The following RALYL variants were observed in gnomAD, a reference collection of about 807,000 sequenced individuals.
RALYL encodes the protein RNA-binding Raly-like protein.
RALYL carries 29 observed loss-of-function variants against 35.1 expected under a neutral mutation model. That is an observed-to-expected ratio of 0.83 (90% confidence interval 0.61 to 1.13). The LOEUF (loss-of-function observed/expected upper bound fraction) is 1.13, where lower values mean the gene tolerates loss of function less well. RALYL is among the 50% of genes most tolerant of loss of function. The probability of loss-of-function intolerance (pLI) is 0.00; values close to 1 mark genes in which losing one functional copy is unlikely to be tolerated. For synonymous variants in RALYL, 120 were observed against 127.6 expected, an observed-to-expected ratio of 0.94 and a Z score of 0.40; for missense variants, 359 against 360.4, an observed-to-expected ratio of 1.00 and a Z score of 0.03.
intron 2 of RALYL, among the ~76,000 whole-genome samples, chr8:84,681,440 C>T (rs1281040919): frequency 6.8e-6 from 1 of 146,606 alleles, no homozygotes; most frequent in Non-Finnish European, 1.5e-5. Context: ...TTACCTTGGG[C>T]AGTACAGCCA....
chr8:84,611,312 AAATGTTTATATAC>A (rs1327370374), intron 2 of RALYL, among the ~76,000 whole-genome samples: 1 of 152,128 alleles, frequency 6.6e-6, no homozygotes, highest in Non-Finnish European at 1.5e-5. Context: ...TACAGCAAAT[AAATGTTTATATAC>A]ACATTTTTCC....
chr8:84,649,593 A>T (rs970532561), intron 2 of RALYL, among the ~76,000 whole-genome samples: 10 of 151,814 alleles, frequency 6.6e-5, no homozygotes, highest in African/African-American at 2.2e-4. Context: ...ATAGTTGTAG[A>T]TATGCGGCGT....
At chr8:84,191,002 A>G (rs918544016) in intron 1 of RALYL, among the ~76,000 whole-genome samples, 4 of 151,864 alleles carry the variant, frequency 2.6e-5, no homozygotes, top group African/African-American at 9.7e-5. Flanking sequence ...CAACAGAGCT[A>G]ATGCTGCATA....
intron 8 of RALYL, among the ~76,000 whole-genome samples, chr8:84,913,018 GGATGGATGGATGGATA>G (rs1378952563): frequency 1.6e-5 from 2 of 124,912 alleles, no homozygotes; most frequent in African/African-American, 6.2e-5. Context: ...ATGGATGGAT[GGATGGATGGATGGATA>G]GGTAGGTAGA....
At chr8:84,209,581 G>A (rs181122137) in intron 1 of RALYL, among the ~76,000 whole-genome samples, 171 of 152,154 alleles carry the variant, frequency 1.1e-3, no homozygotes, top group African/African-American at 3.8e-3. Flanking sequence ...TGGCCCTTAT[G>A]CCAAATTTAG....
At chr8:84,317,258 G>A (rs1168988476) in intron 1 of RALYL, among the ~76,000 whole-genome samples, 1 of 151,960 alleles carries the variant, frequency 6.6e-6, no homozygotes, top group Non-Finnish European at 1.5e-5. Context: ...GAATGAAACA[G>A]TGTCTGACCT....
rs114147079 is a variant in RALYL at position 84,212,650 on chromosome 8, T to C, written c.-24+28226T>C. Among the ~76,000 whole-genome samples, 123 of 152,250 alleles carry C rather than the reference T, an allele frequency of 8.1e-4. 1 individual carries two copies. Among genetic ancestry groups the C allele is most frequent in the African/African-American group, 2.9e-3 (120 of 41,558 alleles). On this transcript the variant is annotated intron_variant, in intron 1 of 8. Coordinates refer to ENST00000521268, the MANE Select transcript of RALYL (RefSeq NM_173848.7). ...AGCTGTAGGTGAAGTACAGGCAGTA[T>C]AAGTGAGGTAAAGCAAATGTGAGCA...
chr8:84,480,085 G>T (rs545859667), intron 1 of RALYL, among the ~76,000 whole-genome samples: 116 of 152,152 alleles, frequency 7.6e-4, no homozygotes, highest in Non-Finnish European at 1.5e-3. Flanking sequence ...GAGTAGACCA[G>T]TGAGTTCCAA....
intron 3 of RALYL, among the ~76,000 whole-genome samples, chr8:84,801,964 T>C (rs1390926223): frequency 1.3e-5 from 2 of 152,324 alleles, no homozygotes; most frequent in East Asian, 3.9e-4. Flanking sequence ...TAACTTGATA[T>C]GTATTAAAAG....
At chr8:84,857,107 G>C (rs1178112775) in intron 5 of RALYL, among the ~76,000 whole-genome samples, 2 of 149,232 alleles carry the variant, frequency 1.3e-5, no homozygotes, top group Non-Finnish European at 3.0e-5. Flanking sequence ...GAAATGAATA[G>C]GCACCTTACT....
chr8:84,347,808 G>A (rs983138987), intron 1 of RALYL, among the ~76,000 whole-genome samples: 6 of 152,048 alleles, frequency 3.9e-5, no homozygotes, highest in African/African-American at 1.4e-4. Context: ...TTGCCTCTTA[G>A]GCTCTATTAA....
intron 1 of RALYL, among the ~76,000 whole-genome samples, chr8:84,340,034 A>G (rs1266202591): frequency 6.6e-6 from 1 of 151,990 alleles, no homozygotes; most frequent in African/African-American, 2.4e-5. Flanking sequence ...ATGAGATCTG[A>G]TGGTTTTATA....
intron 6 of RALYL, among the ~76,000 whole-genome samples, chr8:84,868,615 T>C (rs1839614561): frequency 6.6e-6 from 1 of 152,372 alleles, no homozygotes; most frequent in East Asian, 1.9e-4. Context: ...ACTTGCAGCT[T>C]CTAATGAAAT....
At chr8:84,772,790 T>C (rs562714297) in intron 2 of RALYL, among the ~76,000 whole-genome samples, 3 of 152,218 alleles carry the variant, frequency 2.0e-5, no homozygotes, top group African/African-American at 7.2e-5. Context: ...TTATTTCTTC[T>C]CTCTCATTTC....
At chr8:84,411,173 C>T (rs527581568) in intron 1 of RALYL, among the ~76,000 whole-genome samples, 2 of 151,752 alleles carry the variant, frequency 1.3e-5, no homozygotes, top group South Asian at 4.2e-4. Flanking sequence ...TTTATTTTTT[C>T]CCATGGTATT....
chr8:84,305,131 A>G (rs544828691), intron 1 of RALYL, among the ~76,000 whole-genome samples: 3 of 152,326 alleles, frequency 2.0e-5, no homozygotes, highest in East Asian at 1.9e-4. Flanking sequence ...TGTATGAACT[A>G]TTAAGTAAAA....
intron 1 of RALYL, among the ~76,000 whole-genome samples, chr8:84,476,345 C>T (rs1053687700): frequency 3.9e-5 from 6 of 152,130 alleles, no homozygotes; most frequent in Non-Finnish European, 8.8e-5. Context: ...AGTCAAAACT[C>T]TTTTCAAGCT....
intron 2 of RALYL, among the ~76,000 whole-genome samples, chr8:84,760,250 T>C (rs1488713): frequency 0.02 from 3,096 of 152,224 alleles, 102 homozygotes; most frequent in African/African-American, 0.07. Flanking sequence ...TCCATGTTGA[T>C]ATGAATACAA....
intron 1 of RALYL, among the ~76,000 whole-genome samples, chr8:84,390,494 G>T (rs992787317): frequency 5.3e-5 from 8 of 151,884 alleles, no homozygotes; most frequent in Admixed American, 1.3e-4. Context: ...TGTTGGTAAG[G>T]TATTGATTAT....
Sources: allele counts gnomAD v4.1 joint callset (sites outside exome capture counted in the v4.1 genomes callset), GRCh38; gene constraint gnomAD v4.1.1; transcripts MANE v1.5; gene names NCBI Gene and HGNC (gene_info 2026-07-23, HGNC 2026-07-21).